The following LARP4B variants were observed in gnomAD, a reference collection of about 807,000 sequenced individuals.
The protein encoded by LARP4B is La ribonucleoprotein 4B, also known as la-related protein 4B.
LARP4B carries 12 observed loss-of-function variants against 89.8 expected under a neutral mutation model. The ratio of observed to expected loss-of-function variants is 0.13; its 90% confidence interval spans 0.09 to 0.22. The LOEUF (loss-of-function observed/expected upper bound fraction) is 0.22, where lower values mean the gene tolerates loss of function less well. Among genes scored for constraint, LARP4B ranks in the 10% least tolerant of loss-of-function variants. The probability of loss-of-function intolerance (pLI) is 1.00; values close to 1 mark genes in which losing one functional copy is unlikely to be tolerated. For missense variants in LARP4B, 757 were observed against 947.7 expected (o/e 0.80, Z 2.64); for synonymous variants, 367 against 363.3 (o/e 1.01, Z -0.12).
chr10:857,914 C>T (rs1834392494), intron 5 of LARP4B, among the ~76,000 whole-genome samples: 2 of 152,138 alleles, frequency 1.3e-5, no homozygotes, highest in Non-Finnish European at 2.9e-5. Context: ...TTAGAAATCT[C>T]ATCCTAAACA....
intron 5 of LARP4B, among the ~76,000 whole-genome samples, chr10:846,478 C>T (rs1254188571): frequency 6.6e-6 from 1 of 152,070 alleles, no homozygotes; most frequent in Non-Finnish European, 1.5e-5. Flanking sequence ...AAATGGGGAG[C>T]CTCAAGCACA....
At chr10:984,678 A>T in the LARP4B span, among the ~76,000 whole-genome samples, 1 of 152,304 alleles carries the variant, frequency 6.6e-6, no homozygotes, top group East Asian at 1.9e-4. Context: ...TATGACCCCA[A>T]GTGCAATCCA....
the LARP4B span, chr10:973,107 A>G: frequency 2.8e-6 from 1 of 357,828 alleles, no homozygotes; most frequent in Non-Finnish European, 5.5e-6. Flanking sequence ...TCTTGCAGAG[A>G]GTAAAGGAGC....
At chr10:952,024 T>A in the LARP4B span, among the ~76,000 whole-genome samples, 1 of 151,650 alleles carries the variant, frequency 6.6e-6, no homozygotes, top group Non-Finnish European at 1.5e-5. Flanking sequence ...CAGAATCAAC[T>A]GCATAACATA....
At chr10:909,251 G>C (rs754306456) in intron 1 of LARP4B, among the ~76,000 whole-genome samples, 8 of 141,036 alleles carry the variant, frequency 5.7e-5, no homozygotes, top group Non-Finnish European at 1.1e-4. Context: ...CCGAGATCGC[G>C]CCACTGCAAT....
intron 1 of LARP4B, among the ~76,000 whole-genome samples, chr10:916,745 T>A (rs540090118): frequency 6.6e-6 from 1 of 152,214 alleles, no homozygotes; most frequent in Non-Finnish European, 1.5e-5. Flanking sequence ...TTGTGCAGAT[T>A]AGAGTGCAGT....
chr10:934,089 C>G (rs1162431849), upstream of LARP4B, among the ~76,000 whole-genome samples: 1 of 152,028 alleles, frequency 6.6e-6, no homozygotes, highest in African/African-American at 2.4e-5. Flanking sequence ...GCCTCAGCCT[C>G]CCTAAGTGCT....
At chr10:902,067 C>T (rs1836359942) in intron 1 of LARP4B, among the ~76,000 whole-genome samples, 1 of 152,202 alleles carries the variant, frequency 6.6e-6, no homozygotes, top group Admixed American at 6.5e-5. Context: ...GTGACTGGGT[C>T]TACGACATTA....
At chr10:940,701 A>G in the LARP4B span, among the ~76,000 whole-genome samples, 1 of 152,392 alleles carries the variant, frequency 6.6e-6, no homozygotes, top group East Asian at 1.9e-4. Flanking sequence ...AAATGGAACC[A>G]TTTGGACCAG....
At position 825,332 on chromosome 10, in the gene LARP4B, G is replaced by T. The variant is rs1366851748; in HGVS notation, c.1233-16C>A. ...ACTAGGATTCCTGTAAATAAAAATG[G>T]TTTTATGTGTTGAGTTATAAAATGA... On this transcript the variant is annotated splice_polypyrimidine_tract_variant and intron_variant, in intron 12 of 17. Transcript: ENST00000316157. 6.2e-7 allele frequency: 1 copy of T among 1,610,890 alleles called. No homozygotes were observed. Among genetic ancestry groups the T allele is most frequent in the Non-Finnish European group, 8.5e-7 (1 of 1,178,144 alleles).
chr10:970,144 TAAA>T, the LARP4B span, among the ~76,000 whole-genome samples: 1 of 152,202 alleles, frequency 6.6e-6, no homozygotes, highest in East Asian at 1.9e-4. Flanking sequence ...GAAATTGACT[TAAA>T]GAAATTACTT....
At chr10:983,851 A>G in the LARP4B span, among the ~76,000 whole-genome samples, 1 of 152,246 alleles carries the variant, frequency 6.6e-6, no homozygotes, top group South Asian at 2.1e-4. Context: ...GATAATTTAG[A>G]CTGTCCAGAC....
At chr10:821,137 T>A (rs1318123055) in intron 13 of LARP4B, among the ~76,000 whole-genome samples, 1 of 152,236 alleles carries the variant, frequency 6.6e-6, no homozygotes, top group African/African-American at 2.4e-5. Flanking sequence ...TGTTAAGACA[T>A]GAGTACTGAA....
chr10:860,105 G>A (rs1486035703), intron 5 of LARP4B, among the ~76,000 whole-genome samples: 1 of 90,564 alleles, frequency 1.1e-5, no homozygotes, highest in Non-Finnish European at 2.0e-5. Flanking sequence ...GAATAGTGAA[G>A]AAGGCCATGC....
intron 8 of LARP4B, among the ~76,000 whole-genome samples, chr10:833,285 C>CAAAAAAAAAAAAAA (rs1833021443): frequency 2.0e-5 from 1 of 49,000 alleles, no homozygotes; most frequent in Non-Finnish European, 4.2e-5. Flanking sequence ...AAAAAAAAAA[C>CAAAAAAAAAAAAAA]CTCAAAATGT....
At chr10:837,288 A>T (rs1356172777) in intron 7 of LARP4B, among the ~76,000 whole-genome samples, 1 of 152,260 alleles carries the variant, frequency 6.6e-6, no homozygotes, top group Non-Finnish European at 1.5e-5. Context: ...AAAGACTCAT[A>T]TGCTGAAAAC....
intron 5 of LARP4B, among the ~76,000 whole-genome samples, chr10:855,713 T>C (rs142405939): frequency 6.6e-6 from 1 of 152,298 alleles, no homozygotes; most frequent in African/African-American, 2.4e-5. Flanking sequence ...AATGAATACA[T>C]GCTATTGGAA....
At position 927,998 on chromosome 10, in the gene LARP4B, C is replaced by T. The variant is rs554429600; in HGVS notation, c.-40+3430G>A. Among the ~76,000 whole-genome samples the T allele has an allele frequency of 3.3e-5, 5 of 151,644 alleles. 1 individual carries two copies. In the South Asian group the frequency reaches 8.3e-4, roughly 25 times the overall value. ...GAGGCCGAGGCGGGCGAATCACCTGCGGTCAGGAGTTCAAGACCAGCCTGG... is the reference window on the plus strand; with the variant it reads ...GAGGCCGAGGCGGGCGAATCACCTGTGGTCAGGAGTTCAAGACCAGCCTGG... On this transcript the variant is annotated intron_variant, in intron 1 of 17. Coordinates refer to ENST00000316157, the MANE Select transcript of LARP4B (RefSeq NM_015155.3).
intron 1 of LARP4B, among the ~76,000 whole-genome samples, chr10:920,281 C>T (rs552589441): frequency 1.3e-5 from 2 of 152,310 alleles, no homozygotes; most frequent in East Asian, 1.9e-4. Context: ...ACCTCATGGG[C>T]TTCAGTTTCT....
Sources: allele counts gnomAD v4.1 joint callset (sites outside exome capture counted in the v4.1 genomes callset), GRCh38; gene constraint gnomAD v4.1.1; transcripts MANE v1.5; gene names NCBI Gene and HGNC (gene_info 2026-07-23, HGNC 2026-07-21).